GLB1: variants seen among roughly 807,000 people sequenced by gnomAD.
GLB1 encodes the protein beta-galactosidase.
A neutral mutation model predicts 74.0 loss-of-function variants in GLB1; 56 were observed. That is an observed-to-expected ratio of 0.76 (90% CI 0.61 to 0.94). The LOEUF (loss-of-function observed/expected upper bound fraction) is 0.94. GLB1 is among the 40% of genes least tolerant of loss of function. The pLI is 0.00. For synonymous variants in GLB1, 323 were observed against 323.6 expected (o/e 1.00, Z 0.02); for missense variants, 787 against 845.5 (o/e 0.93, Z 0.86).
chr3:33,074,023 CAAAA>C (rs61415844), intron 1 of GLB1, among the ~76,000 whole-genome samples: 2 of 81,670 alleles, frequency 2.4e-5, no homozygotes, highest in Non-Finnish European at 5.3e-5. Context: ...GACATTGTCT[CAAAA>C]AAAAAAAAAA....
chr3:33,045,116 CAT>C (rs944995643), intron 10 of GLB1, among the ~76,000 whole-genome samples: 1 of 152,136 alleles, frequency 6.6e-6, no homozygotes, highest in Non-Finnish European at 1.5e-5. Flanking sequence ...ACTTATTAGA[CAT>C]ATATGTGTCA....
chr3:33,050,980 G>C (rs183448916), intron 9 of GLB1, among the ~76,000 whole-genome samples: 95 of 152,202 alleles, frequency 6.2e-4, no homozygotes, highest in African/African-American at 2.1e-3. Flanking sequence ...TGTAATCCCA[G>C]AACTTTGGGA....
chr3:32,962,918 C>A, the GLB1 span, among the ~76,000 whole-genome samples: 1 of 151,878 alleles, frequency 6.6e-6, no homozygotes, highest in Non-Finnish European at 1.5e-5. Context: ...ATATTAATAG[C>A]CTTTTATAAA....
In GLB1 at chr3:33,045,887, T is replaced by C. The variant is rs1025186702; in HGVS notation, c.1068+233A>G. The C allele has an allele frequency of 3.7e-6, 3 of 821,244 alleles. No homozygotes were observed. In the African/African-American group the frequency reaches 5.3e-5, roughly 14 times the overall value. 50.9% of individuals were successfully genotyped at this position (821,244 alleles called of 1,614,324 possible). A position where few individuals can be genotyped will look rare whatever the true frequency, so the allele number is the denominator to read the frequency against. On this transcript the variant is annotated intron_variant, in intron 10 of 15. Coordinates refer to ENST00000307363, the MANE Select transcript of GLB1 (RefSeq NM_000404.4). ...GTAGCATTTAACACTGTATTATATATTGCAGTTTTTAAATACATGTCTTAT... is the reference window on the plus strand; with the variant it reads ...GTAGCATTTAACACTGTATTATATACTGCAGTTTTTAAATACATGTCTTAT...
At chr3:33,074,324 AGAAGGAAGGAAGGAAGGAAGGAAG>A (rs71622579) in intron 1 of GLB1, among the ~76,000 whole-genome samples, 10 of 92,978 alleles carry the variant, frequency 1.1e-4, no homozygotes, top group African/African-American at 4.1e-4. Flanking sequence ...AGAACGAGAA[AGAAGGAAGGAAGGAAGGAAGGAAG>A]GAAGGAAGGA....
chr3:33,023,443 C>G (rs7610270), intron 11 of GLB1, among the ~76,000 whole-genome samples: 7,711 of 152,192 alleles, frequency 0.051, 237 homozygotes, highest in Admixed American at 0.065. Flanking sequence ...CCAACCATGT[C>G]AAAGGGCTTC....
At chr3:33,027,769 G>T (rs901648723) in intron 10 of GLB1, among the ~76,000 whole-genome samples, 6 of 152,224 alleles carry the variant, frequency 3.9e-5, no homozygotes, top group Admixed American at 1.3e-4. Flanking sequence ...GTGACAGAGT[G>T]AGATTCTATC....
the GLB1 span, among the ~76,000 whole-genome samples, chr3:32,971,589 C>T: frequency 6.6e-6 from 1 of 152,214 alleles, no homozygotes; most frequent in Non-Finnish European, 1.5e-5. Flanking sequence ...AACCAAAAGC[C>T]TCAGCCAGCG....
chr3:33,093,604 G>C lies in GLB1; in HGVS notation c.75+3407C>G, dbSNP rs369203167. On this transcript the variant is annotated intron_variant, in intron 1 of 15. Coordinates refer to ENST00000307363, the MANE Select transcript of GLB1 (RefSeq NM_000404.4). The surrounding 1 kb of genome is among the most constrained non-coding windows in gnomAD (Gnocchi z 6.0). ...TTGTTCATTGAGGCAGGCAGCTGAT[G>C]GATGGGCACCTCCACAGTTTTCACA... 6.2e-7 allele frequency: 1 copy of C among 1,614,058 alleles called. No homozygotes were observed. Among genetic ancestry groups the C allele is most frequent in the Non-Finnish European group, 8.5e-7 (1 of 1,180,030 alleles).
chr3:33,031,170 T>C (rs1217035040), intron 10 of GLB1, among the ~76,000 whole-genome samples: 1 of 152,164 alleles, frequency 6.6e-6, no homozygotes, highest in Non-Finnish European at 1.5e-5. Flanking sequence ...ACCTAATGTG[T>C]TCTTGAAATG....
intron 1 of GLB1, 136 bp from the exon 2 acceptor site, chr3:33,072,849 G>T: frequency 7.1e-7 from 1 of 1,412,030 alleles, no homozygotes; most frequent in Non-Finnish European, 9.6e-7. Flanking sequence ...TGTTTTCTGA[G>T]CTATCATACA....
downstream of GLB1, among the ~76,000 whole-genome samples, chr3:32,992,499 C>T (rs1696243457): frequency 6.6e-6 from 1 of 152,198 alleles, no homozygotes; most frequent in East Asian, 1.9e-4. Flanking sequence ...ATGGCAAATG[C>T]TATACAAGGT....
chr3:33,032,756 A>C (rs1293705861), intron 10 of GLB1, among the ~76,000 whole-genome samples: 2 of 150,904 alleles, frequency 1.3e-5, no homozygotes, highest in Non-Finnish European at 3.0e-5. Context: ...CTTCCTCTCC[A>C]CTCCCTGATG....
chr3:33,071,232 C>T (rs997818761), intron 2 of GLB1, among the ~76,000 whole-genome samples: 3 of 152,188 alleles, frequency 2.0e-5, no homozygotes, highest in Admixed American at 6.5e-5. Flanking sequence ...AACTCACTGT[C>T]GGAATTATAA....
intron 5 of GLB1, among the ~76,000 whole-genome samples, chr3:33,058,731 C>T (rs1265039005): frequency 2.0e-5 from 3 of 152,172 alleles, no homozygotes; most frequent in South Asian, 2.1e-4. Context: ...CCCAAATATA[C>T]GCAAATAATA....
chr3:33,060,409 A>G (rs1699393850), intron 5 of GLB1, among the ~76,000 whole-genome samples: 3 of 152,210 alleles, frequency 2.0e-5, no homozygotes, highest in African/African-American at 7.2e-5. Context: ...AGCTTTGTAA[A>G]TACTGGCAAA....
chr3:32,979,942 GAC>G, the GLB1 span, among the ~76,000 whole-genome samples: 5 of 150,356 alleles, frequency 3.3e-5, no homozygotes, highest in Admixed American at 6.6e-5. Context: ...AATTTTAATT[GAC>G]ACATAATAAT....
In GLB1 at chr3:33,097,041, C is replaced by A; in HGVS notation, c.45G>T (p.Leu15=). 1 of 1,612,422 alleles carries A rather than the reference C, an allele frequency of 6.2e-7. No homozygotes were observed. The highest frequency in any genetic ancestry group is 8.5e-7 in the Non-Finnish European group (1 of 1,179,042). The change falls in exon 1 of 16, where the codon CTG becomes CTT. Residue 15 remains leucine (L), a synonymous_variant. Coordinates refer to ENST00000307363, the MANE Select transcript of GLB1 (RefSeq NM_000404.4). The part of the protein sequence containing the change: ...LVRILPLLLV[L]LLLGPTRGLR... ...AGCCGCGCGTAGGGCCCAGAAGCAG[C>A]AGAACCAGCAACAGAGGGAGGATGC...
rs780608544 is a variant in GLB1, at chr3:33,058,141, G to A, written c.681C>T (p.Phe227=). 24 of 1,613,886 alleles carry A rather than the reference G, an allele frequency of 1.5e-5. No homozygotes were observed. Among genetic ancestry groups the A allele is most frequent in the Non-Finnish European group, 1.9e-5 (23 of 1,180,014 alleles). ...LFTTDGAHKT[F]LKCGALQGLY... ...GGCCCTGCAGGGCCCCACATTTCAG[G>A]AATGTTTTATGTGCTCCATCAGTGG... The change falls in exon 6 of 16, where the codon TTC becomes TTT. Residue 227 remains phenylalanine, a synonymous_variant. Transcript: ENST00000307363.
Sources: allele counts gnomAD v4.1 joint callset (sites outside exome capture counted in the v4.1 genomes callset), GRCh38; gene constraint gnomAD v4.1.1; non-coding constraint Gnocchi (gnomAD v3.1); transcripts MANE v1.5; gene names NCBI Gene and HGNC (gene_info 2026-07-23, HGNC 2026-07-21).